COL20A1: variants seen among roughly 807,000 people sequenced by gnomAD.
COL20A1 encodes the protein collagen type XX alpha 1 chain.
A neutral mutation model predicts 152.9 loss-of-function variants in COL20A1; 164 were observed. That is an observed-to-expected ratio of 1.07 (90% CI 0.94 to 1.22). The LOEUF (loss-of-function observed/expected upper bound fraction) is 1.22, where lower values mean the gene tolerates loss of function less well. Among genes scored for constraint, COL20A1 ranks in the 50% most tolerant of loss-of-function variants. COL20A1 has a pLI of 0.00. For synonymous variants in COL20A1, 864 were observed against 756.0 expected (o/e 1.14, Z -2.34); for missense variants, 1,873 against 1,744.8 (o/e 1.07, Z -1.31).
chr20:63,315,576 A>G (rs2068073868), intron 20 of COL20A1, 137 bp downstream of exon 20: 4 of 760,918 alleles, frequency 5.3e-6, no homozygotes, highest in South Asian at 3.7e-5. Flanking sequence ...TTGTGCCTCC[A>G]CAGACGTCCC....
rs1420551224 is a variant in COL20A1, at chr20:63,319,480, C to T, written c.2807-7C>T. ...CGTTCTCACCTGCTCCACCCCTTCC[C>T]TGGCAGCCGGGAAGAAGTCCCTGAC... On this transcript the variant is annotated splice_polypyrimidine_tract_variant and splice_region_variant and intron_variant, in intron 22 of 35. Coordinates refer to ENST00000358894, the MANE Select transcript of COL20A1 (RefSeq NM_020882.4). The surrounding 1 kb of genome is among the most constrained non-coding windows in gnomAD (Gnocchi z 4.4). The T allele has an allele frequency of 5.1e-6, 8 of 1,562,064 alleles. No individual in the cohort carries two copies. The South Asian group carries it at 7.1e-5, about 14-fold the overall frequency.
chr20:63,307,027 C>T (rs2067934367), intron 5 of COL20A1, among the ~76,000 whole-genome samples: 1 of 152,228 alleles, frequency 6.6e-6, no homozygotes, highest in African/African-American at 2.4e-5. Flanking sequence ...AGGCATCTCC[C>T]CGGGGGTCTG....
rs1219337631 is a variant in COL20A1 at position 63,305,517 on chromosome 20, C to T, written c.294C>T (p.Leu98=). 1.2e-6 allele frequency: 2 copies of T among 1,607,778 alleles called. No homozygotes were observed. Among genetic ancestry groups the T allele is most frequent in the Non-Finnish European group, 1.7e-6 (2 of 1,177,674 alleles). Residue 98 remains leucine (L), a synonymous_variant, in exon 4 of 36, where the codon CTC becomes CTT. Coordinates refer to ENST00000358894, the MANE Select transcript of COL20A1 (RefSeq NM_020882.4). The surrounding 1 kb of genome is among the most constrained non-coding windows in gnomAD (Gnocchi z 4.9). ...GCTACACCTTGCAGATCTTCGAGCTCACTGGCTCTGGGCGCTTCCTGCTAG... is the reference window on the plus strand; with the variant it reads ...GCTACACCTTGCAGATCTTCGAGCTTACTGGCTCTGGGCGCTTCCTGCTAG... The part of the protein sequence containing the change: ...SKGYTLQIFE[L]TGSGRFLLAR...
At chr20:63,294,280 A>C (rs1319961911) in intron 1 of COL20A1, among the ~76,000 whole-genome samples, 1 of 147,490 alleles carries the variant, frequency 6.8e-6, no homozygotes, top group Non-Finnish European at 1.5e-5. Context: ...GCGTGGTGGC[A>C]GGTGGAGGAC....
chr20:63,329,908 C>T (rs1743754622), intron 35 of COL20A1, among the ~76,000 whole-genome samples: 2 of 152,090 alleles, frequency 1.3e-5, no homozygotes, highest in African/African-American at 4.8e-5. Context: ...CGTGGGGTTC[C>T]GGAGATGGAT....
At chr20:63,303,083 C>A (rs2067879942) in intron 3 of COL20A1, among the ~76,000 whole-genome samples, 1 of 152,174 alleles carries the variant, frequency 6.6e-6, no homozygotes, top group Non-Finnish European at 1.5e-5. Context: ...TTCTTTTACC[C>A]TTCAAGTAAC....
intron 25 of COL20A1, 43 bp from the exon 26 acceptor site, chr20:63,320,970 A>G: frequency 7.0e-7 from 1 of 1,437,056 alleles, no homozygotes; most frequent in Non-Finnish European, 9.6e-7. Context: ...GGCAAGAGCC[A>G]GGGAGAGGGT....
intron 25 of COL20A1, 113 bp from the exon 26 acceptor site, chr20:63,320,900 G>T (rs1484957742): frequency 5.2e-6 from 4 of 771,542 alleles, no homozygotes; most frequent in Non-Finnish European, 8.4e-6. Flanking sequence ...CCTCCCAGGT[G>T]CGGGTCTGGA....
Position 63,307,996 on chromosome 20 carries a change from T to C in COL20A1, c.681T>C (p.Ala227=). 6.2e-7 allele frequency: 1 copy of C among 1,612,540 alleles called. No homozygotes were observed. Among genetic ancestry groups the C allele is most frequent in the East Asian group, 2.2e-5 (1 of 44,880 alleles). Residue 227 remains alanine, a synonymous_variant, in exon 7 of 36, where the codon GCT becomes GCC. Coordinates refer to ENST00000358894, the MANE Select transcript of COL20A1 (RefSeq NM_020882.4). The part of the protein sequence containing the change: ...QVGLTQYSGD[A]QTEWDLNSLS... The stretch of plus-strand genomic sequence containing the variant: ...GCCTGACTCAGTACAGCGGGGATGC[T>C]CAGACTGAGTGGGACCTGAACTCCC...
At position 63,295,112 on chromosome 20, in the gene COL20A1, G is replaced by C; in HGVS notation, c.5G>C (p.Ser2Thr). Residue 2 changes from serine (S) to threonine (T), a missense_variant, in exon 2 of 36, where the codon AGC becomes ACC. Physicochemically the swap from Ser to Thr is moderately conservative, Grantham distance 58. Coordinates refer to ENST00000358894, the MANE Select transcript of COL20A1 (RefSeq NM_020882.4). ...CCCTGCCACAGCCCGAGCACCATGA[G>C]CTCCGGAGACCCTGCACACCTCGGC... Reference protein sequence around the residue: MSSGDPAHLGLC... With the variant: MTSGDPAHLGLC... The C allele has an allele frequency of 6.4e-7, 1 of 1,550,596 alleles. No homozygotes were observed. The highest frequency in any genetic ancestry group is 1.4e-5 in the African/African-American group (1 of 73,176).
chr20:63,299,556 T>C (rs1436831670), intron 3 of COL20A1, among the ~76,000 whole-genome samples: 1 of 152,206 alleles, frequency 6.6e-6, no homozygotes, highest in African/African-American at 2.4e-5. Context: ...ACAATTGATG[T>C]AGAGAACAGT....
At position 63,311,515 on chromosome 20, in the gene COL20A1, C is replaced by CA; in HGVS notation, c.1517dup (p.Glu508Ter). 6.3e-7 allele frequency: 1 copy of CA among 1,590,724 alleles called. No homozygotes were observed. The highest frequency in any genetic ancestry group is 1.3e-5 in the African/African-American group (1 of 74,844). On this transcript the variant is annotated frameshift_variant, in exon 12 of 36. Coordinates refer to ENST00000358894, the MANE Select transcript of COL20A1 (RefSeq NM_020882.4). LOFTEE classifies it high-confidence loss of function. The surrounding 1 kb of genome is among the most constrained non-coding windows in gnomAD (Gnocchi z 4.4). ...TGGTGCGATGTTCTCCTGCTTCCCCCAAGGGTGAAGAGGAGGAGCGAGAGG... is the reference window on the plus strand; with the variant it reads ...TGGTGCGATGTTCTCCTGCTTCCCCCAAAGGGTGAAGAGGAGGAGCGAGAGG...
rs2067923095 is a variant in COL20A1, at chr20:63,306,141, C to T, written c.496+102C>T. Reference sequence around the variant, plus strand: ...CAGGAAGTTCTTCCTCGTGTCTGACCACACGGTCTCTGACCACGAGGCCAG... The same window carrying T: ...CAGGAAGTTCTTCCTCGTGTCTGACTACACGGTCTCTGACCACGAGGCCAG... On this transcript the variant is annotated intron_variant, in intron 5 of 35. Coordinates refer to ENST00000358894, the MANE Select transcript of COL20A1 (RefSeq NM_020882.4). The surrounding 1 kb of genome is among the most constrained non-coding windows in gnomAD (Gnocchi z 6.9). The T allele has an allele frequency of 1.9e-6, 2 of 1,074,470 alleles. No homozygotes were observed. The highest frequency in any genetic ancestry group is 2.7e-6 in the Non-Finnish European group (2 of 752,068). The allele number at this position is 1,074,470 out of a possible 1,614,324, so 66.6% of individuals were successfully genotyped here. A position where few individuals can be genotyped will look rare whatever the true frequency, so the allele number is the denominator to read the frequency against.
chr20:63,297,128 G>T (rs564670163), intron 2 of COL20A1, among the ~76,000 whole-genome samples: 1 of 152,244 alleles, frequency 6.6e-6, no homozygotes, highest in African/African-American at 2.4e-5. Context: ...CACACTTCCA[G>T]TGTGGGATTC....
chr20:63,294,446 G>T (rs1402053107), intron 1 of COL20A1, among the ~76,000 whole-genome samples: 1 of 151,884 alleles, frequency 6.6e-6, no homozygotes, highest in East Asian at 2.0e-4. Flanking sequence ...GCCGGGCCTG[G>T]TTTTTTCTGG....
chr20:63,325,512 AG>A lies in COL20A1; in HGVS notation c.3348+23del. 3 of 1,567,982 alleles carry A rather than the reference AG, an allele frequency of 1.9e-6. No individual in the cohort carries two copies. The highest frequency in any genetic ancestry group is 2.6e-6 in the Non-Finnish European group (3 of 1,142,152). The stretch of plus-strand genomic sequence containing the variant: ...GCTTGCAGGTAGTGTGGCTGGGGCC[AG>A]GGGGCCACAGGGGTTGGTGGGGGTG... On this transcript the variant is annotated intron_variant, in intron 28 of 35. Transcript: ENST00000358894.
In COL20A1 at chr20:63,315,451, A is replaced by G; in HGVS notation, c.2524+12A>G. 6.4e-7 allele frequency: 1 copy of G among 1,565,860 alleles called. No individual in the cohort carries two copies. Among genetic ancestry groups the G allele is most frequent in the Admixed American group, 1.8e-5 (1 of 54,832 alleles). ...CGGCTCCCTCCCAGGTGGGTCCTGC[A>G]TGCCCTCCCCTGCCTGCCCACCCAC... On this transcript the variant is annotated intron_variant, in intron 20 of 35. Transcript: ENST00000358894.
intron 27 of COL20A1, among the ~76,000 whole-genome samples, chr20:63,322,896 C>G (rs1442764186): frequency 6.6e-6 from 1 of 152,240 alleles, no homozygotes; most frequent in Non-Finnish European, 1.5e-5. Context: ...TGCCATATTC[C>G]CTTTGTCTGC....
rs2067917248 is a variant in COL20A1 at position 63,305,810 on chromosome 20, T to C, written c.338-71T>C. On this transcript the variant is annotated intron_variant, in intron 4 of 35. Transcript: ENST00000358894. The surrounding 1 kb of genome is among the most constrained non-coding windows in gnomAD (Gnocchi z 4.9). Reference sequence around the variant, plus strand: ...ACCCACAGATGCGCCCTTGAAGGGGTGTATGTGCAGCTGCCCCAGTGGACC... The same window carrying C: ...ACCCACAGATGCGCCCTTGAAGGGGCGTATGTGCAGCTGCCCCAGTGGACC... 1.4e-6 allele frequency: 2 copies of C among 1,471,204 alleles called. No individual in the cohort carries two copies. The highest frequency in any genetic ancestry group is 3.4e-5 in the Admixed American group (2 of 58,524). 91.1% of individuals were successfully genotyped at this position (1,471,204 alleles called of 1,614,324 possible).
Sources: allele counts gnomAD v4.1 joint callset (sites outside exome capture counted in the v4.1 genomes callset), GRCh38; gene constraint gnomAD v4.1.1; non-coding constraint Gnocchi (gnomAD v3.1); transcripts MANE v1.5; gene names NCBI Gene and HGNC (gene_info 2026-07-23, HGNC 2026-07-21).